The following MGAT4C variants were observed in gnomAD, a reference collection of about 807,000 sequenced individuals.
MGAT4C encodes the protein MGAT4 family member C, also known as alpha-1,3-mannosyl-glycoprotein 4-beta-N-acetylglucosaminyltransferase C.
MGAT4C carries 19 observed loss-of-function variants against 40.1 expected under a neutral mutation model. The ratio of observed to expected loss-of-function variants is 0.47; its 90% confidence interval spans 0.33 to 0.70. MGAT4C has a LOEUF of 0.70. Ranked by LOEUF, MGAT4C falls within the 30% of genes least tolerant of loss-of-function variation. The pLI, the probability that MGAT4C is intolerant of heterozygous loss-of-function variation, is 0.02. For missense variants in MGAT4C, 491 were observed against 563.2 expected (o/e 0.87, Z 1.30); for synonymous variants, 181 against 187.1 (o/e 0.97, Z 0.27).
At chr12:86,424,643 C>A (rs987277709) in intron 3 of MGAT4C, among the ~76,000 whole-genome samples, 26 of 152,158 alleles carry the variant, frequency 1.7e-4, no homozygotes, top group African/African-American at 6.3e-4. Context: ...ATAGCATCTG[C>A]ATTATAAATA....
chr12:86,293,727 G>A (rs1363404768), intron 4 of MGAT4C, among the ~76,000 whole-genome samples: 2 of 152,156 alleles, frequency 1.3e-5, no homozygotes, highest in African/African-American at 2.4e-5. Flanking sequence ...GAGCACCCAG[G>A]TGGAGGTAAT....
At chr12:86,561,326 T>G (rs1959853934) in intron 2 of MGAT4C, among the ~76,000 whole-genome samples, 1 of 152,150 alleles carries the variant, frequency 6.6e-6, no homozygotes, top group Non-Finnish European at 1.5e-5. Context: ...TGTTCCTGGG[T>G]GTGTCTGAGA....
At chr12:86,492,120 C>T (rs963285500) in intron 2 of MGAT4C, among the ~76,000 whole-genome samples, 1 of 152,110 alleles carries the variant, frequency 6.6e-6, no homozygotes, top group Non-Finnish European at 1.5e-5. Context: ...AGGAGAACTA[C>T]AAACCACTGC....
chr12:86,335,014 T>C (rs887830860), intron 3 of MGAT4C, among the ~76,000 whole-genome samples: 1 of 151,538 alleles, frequency 6.6e-6, no homozygotes, highest in African/African-American at 2.4e-5. Context: ...CTGCTATGTA[T>C]TATTCCCCAG....
intron 3 of MGAT4C, among the ~76,000 whole-genome samples, chr12:86,433,999 A>C (rs1957092939): frequency 6.6e-6 from 1 of 152,084 alleles, no homozygotes; most frequent in African/African-American, 2.4e-5. Flanking sequence ...TGAAGTTATC[A>C]GATAAGCATG....
intron 3 of MGAT4C, among the ~76,000 whole-genome samples, chr12:86,387,439 G>T (rs778231755): frequency 1.2e-4 from 18 of 151,964 alleles, no homozygotes; most frequent in Non-Finnish European, 2.2e-4. Flanking sequence ...ATTGAAAACA[G>T]AATTTTTACA....
chr12:86,182,560 TCTTCCTCC>T (rs1888245919), intron 1 of MGAT4C, among the ~76,000 whole-genome samples: 1 of 152,076 alleles, frequency 6.6e-6, no homozygotes, highest in Non-Finnish European at 1.5e-5. Context: ...CTTTCCTCTC[TCTTCCTCC>T]CTTCCTTTCT....
chr12:86,432,502 C>G (rs1389371683), intron 3 of MGAT4C, among the ~76,000 whole-genome samples: 1 of 151,786 alleles, frequency 6.6e-6, no homozygotes, highest in African/African-American at 2.4e-5. Flanking sequence ...TGAGAAGTCA[C>G]AAGTAGAAGA....
chr12:86,062,855 G>A (rs888273646), intron 1 of MGAT4C, among the ~76,000 whole-genome samples: 14 of 151,886 alleles, frequency 9.2e-5, no homozygotes, highest in South Asian at 2.1e-4. Flanking sequence ...ACAAAGCCTC[G>A]AAGAAATATG....
chr12:86,603,390 T>A (rs1961863780), intron 2 of MGAT4C, among the ~76,000 whole-genome samples: 2 of 128,328 alleles, frequency 1.6e-5, no homozygotes, highest in Admixed American at 1.7e-4. Flanking sequence ...TACTATACTA[T>A]ATAATATATA....
intron 2 of MGAT4C, among the ~76,000 whole-genome samples, chr12:86,600,288 T>C (rs1041424887): frequency 1.3e-5 from 2 of 152,028 alleles, no homozygotes; most frequent in African/African-American, 4.8e-5. Context: ...CACAATGAAA[T>C]AAGAAAGAAA....
At chr12:86,178,090 C>T (rs571363026) in intron 1 of MGAT4C, among the ~76,000 whole-genome samples, 4 of 152,228 alleles carry the variant, frequency 2.6e-5, no homozygotes, top group African/African-American at 4.8e-5. Context: ...GTGCCCACCA[C>T]CATGCCCGGC....
At chr12:86,833,127 G>A (rs755687981) in intron 1 of MGAT4C, among the ~76,000 whole-genome samples, 5 of 151,684 alleles carry the variant, frequency 3.3e-5, no homozygotes, top group Admixed American at 1.3e-4. Context: ...GCCATAAAAC[G>A]GAAGTTTAGA....
chr12:86,086,789 T>A (rs1211586505), intron 1 of MGAT4C, among the ~76,000 whole-genome samples: 3 of 152,094 alleles, frequency 2.0e-5, no homozygotes, highest in African/African-American at 7.2e-5. Flanking sequence ...CGTATTTTTG[T>A]ATTCATTTGT....
At chr12:86,058,465 A>G (rs1711876010) in intron 1 of MGAT4C, among the ~76,000 whole-genome samples, 1 of 152,158 alleles carries the variant, frequency 6.6e-6, no homozygotes, top group Non-Finnish European at 1.5e-5. Flanking sequence ...AAAAAAGCTT[A>G]CAGTTAATTA....
chr12:86,014,570 T>C (rs909514882), intron 2 of MGAT4C, among the ~76,000 whole-genome samples: 3 of 152,052 alleles, frequency 2.0e-5, no homozygotes, highest in Non-Finnish European at 4.4e-5. Flanking sequence ...TGTTCAGAGC[T>C]CGAGGGGGAG....
intron 2 of MGAT4C, among the ~76,000 whole-genome samples, chr12:86,714,501 C>T (rs1950611229): frequency 1.3e-5 from 2 of 152,074 alleles, no homozygotes; most frequent in Admixed American, 6.6e-5. Context: ...TTCCTCCATA[C>T]TGTTCCTGTG....
At chr12:86,601,048 C>T (rs1316487945) in intron 2 of MGAT4C, among the ~76,000 whole-genome samples, 3 of 152,236 alleles carry the variant, frequency 2.0e-5, no homozygotes, top group Admixed American at 6.5e-5. Flanking sequence ...CGGCCCCCTC[C>T]AGAAACTGCT....
chr12:86,833,945 G>T (rs1201091370), intron 1 of MGAT4C, among the ~76,000 whole-genome samples: 1 of 151,476 alleles, frequency 6.6e-6, no homozygotes, highest in Non-Finnish European at 1.5e-5. Flanking sequence ...AATTTGTTTG[G>T]CTTATTTTAC....
Sources: allele counts gnomAD v4.1 joint callset (sites outside exome capture counted in the v4.1 genomes callset), GRCh38; gene constraint gnomAD v4.1.1; transcripts MANE v1.5; gene names NCBI Gene and HGNC (gene_info 2026-07-23, HGNC 2026-07-21).